SLC25A32: variants seen among roughly 807,000 people sequenced by gnomAD.
SLC25A32 encodes Glycine auxotroph B, complementation of hamster.
Under a neutral mutation model 39.0 loss-of-function variants are expected in SLC25A32, and 32 were observed. The ratio of observed to expected loss-of-function variants is 0.82; its 90% CI spans 0.62 to 1.10. The LOEUF (loss-of-function observed/expected upper bound fraction) is 1.10. Ranked by LOEUF, SLC25A32 falls within the 50% of genes least tolerant of loss-of-function variation. SLC25A32 has a pLI of 0.00. For synonymous variants in SLC25A32, 166 were observed against 152.4 expected (o/e 1.09, Z -0.66); for missense variants, 367 against 395.3 (o/e 0.93, Z 0.61).
intron 6 of SLC25A32, 116 bp from the exon 7 acceptor site, chr8:103,400,662 AG>A: frequency 9.4e-7 from 1 of 1,066,594 alleles, no homozygotes; most frequent in Non-Finnish European, 1.4e-6. Context: ...CTCTGATTTA[AG>A]TTCATGTTTT....
At chr8:103,409,894 G>T (rs1277749551) in intron 1 of SLC25A32, among the ~76,000 whole-genome samples, 1 of 152,158 alleles carries the variant, frequency 6.6e-6, no homozygotes, top group Non-Finnish European at 1.5e-5. Flanking sequence ...CTTATAAAAT[G>T]GGGATAAATC....
At chr8:103,401,432 G>A in intron 6 of SLC25A32, 84 bp downstream of exon 6, 1 of 1,302,348 alleles carries the variant, frequency 7.7e-7, no homozygotes, top group Non-Finnish European at 1.0e-6. Flanking sequence ...ACTGGCCTTT[G>A]CTATAAAACT....
At position 103,415,040 on chromosome 8, in the gene SLC25A32, CA is replaced by C; in HGVS notation, c.-104del. The C allele has an allele frequency of 6.3e-7, 1 of 1,594,810 alleles. No individual in the cohort carries two copies. The highest frequency in any genetic ancestry group is 8.5e-7 in the Non-Finnish European group (1 of 1,171,106). On this transcript the variant is annotated 5_prime_UTR_variant, in exon 1 of 7. Transcript: ENST00000297578. ...CGGTCGCCCCTTGTGAGCGCAACCC[CA>C]CCTCCGGGACCAACGAGAGGACTCT...
rs1816561169 is a variant in SLC25A32 at position 103,414,873 on chromosome 8, C to T, written c.65G>A (p.Arg22Gln). ...CACGCCCGCTATCAGGTTCTCATACCGGACGTGGCGGAATACCGTGCTCCA... is the reference window on the plus strand; with the variant it reads ...CACGCCCGCTATCAGGTTCTCATACTGGACGTGGCGGAATACCGTGCTCCA... ...SAWSTVFRHVRYENLIAGVSG... is the reference protein window; with the variant it reads ...SAWSTVFRHVQYENLIAGVSG... Residue 22 changes from arginine to glutamine, a missense_variant, in exon 1 of 7, where the codon CGG becomes CAG. Physicochemically the swap from Arg to Gln is conservative, Grantham distance 43. Coordinates refer to ENST00000297578, the MANE Select transcript of SLC25A32 (RefSeq NM_030780.5). 2 of 1,613,184 alleles carry T rather than the reference C, an allele frequency of 1.2e-6. No homozygotes were observed. Among genetic ancestry groups the T allele is most frequent in the Middle Eastern group, 1.7e-4 (1 of 6,056 alleles).
chr8:103,403,009 A>C (rs1035692097), intron 4 of SLC25A32, among the ~76,000 whole-genome samples, 155 bp downstream of exon 4: 15 of 152,194 alleles, frequency 9.9e-5, no homozygotes, highest in African/African-American at 4.8e-5. Flanking sequence ...GTACAATTTC[A>C]GTATTATTAA....
intron 4 of SLC25A32, 150 bp from the exon 5 acceptor site, chr8:103,402,204 A>G (rs748357686): frequency 3.3e-5 from 18 of 551,700 alleles, no homozygotes; most frequent in Non-Finnish European, 5.7e-5. Context: ...ATGGGGTTAA[A>G]AACTTGTAAT....
At chr8:103,406,861 T>C (rs1182446917) in intron 2 of SLC25A32, among the ~76,000 whole-genome samples, 1 of 152,226 alleles carries the variant, frequency 6.6e-6, no homozygotes, top group Non-Finnish European at 1.5e-5. Flanking sequence ...TAATTAATGA[T>C]ACTTCAGTAT....
intron 1 of SLC25A32, among the ~76,000 whole-genome samples, chr8:103,412,501 T>C (rs1344538620): frequency 3.3e-5 from 5 of 152,248 alleles, no homozygotes; most frequent in African/African-American, 1.2e-4. Context: ...ACTTCTGTCA[T>C]CCAACTACTA....
intron 1 of SLC25A32, among the ~76,000 whole-genome samples, chr8:103,410,111 ATT>A (rs1816430782): frequency 6.6e-6 from 1 of 152,180 alleles, no homozygotes; most frequent in Non-Finnish European, 1.5e-5. Context: ...TCACAATACC[ATT>A]TCTCTCTTGA....
intron 1 of SLC25A32, among the ~76,000 whole-genome samples, chr8:103,413,079 C>G (rs1816499175): frequency 1.3e-5 from 2 of 152,140 alleles, no homozygotes; most frequent in African/African-American, 4.8e-5. Flanking sequence ...AAACTCAATC[C>G]TTTTATCTGT....
chr8:103,401,849 TAGCACTACCACCAA>T (rs1816225467), intron 5 of SLC25A32, 78 bp downstream of exon 5: 2 of 1,064,448 alleles, frequency 1.9e-6, no homozygotes, highest in South Asian at 3.2e-5. Flanking sequence ...CTCATCATCA[TAGCACTACCACCAA>T]AGTAAGCATG....
chr8:103,399,360 TAGA>T lies in SLC25A32; in HGVS notation c.*1048_*1050del, dbSNP rs749259996. The T allele has an allele frequency of 2.0e-5, 3 of 152,352 alleles. No individual in the cohort carries two copies. The highest frequency in any genetic ancestry group is 2.9e-5 in the Non-Finnish European group (2 of 68,036). The allele number at this position is 152,352 out of a possible 1,614,324, so 9.4% of individuals were successfully genotyped here. The stretch of plus-strand genomic sequence containing the variant: ...AATAAAGGTTGACACAGCTGGATCC[TAGA>T]AGCTCAGATTTTATAAATTTAAAAT... On this transcript the variant is annotated 3_prime_UTR_variant, in exon 7 of 7. Coordinates refer to ENST00000297578, the MANE Select transcript of SLC25A32 (RefSeq NM_030780.5).
Position 103,403,409 on chromosome 8 carries a change from TAAAAAA to T in SLC25A32, c.392-91_392-86del, listed in dbSNP as rs11447002. 1,008 of 249,754 alleles carry T rather than the reference TAAAAAA, an allele frequency of 4.0e-3. 11 individuals are homozygous for T. The highest frequency in any genetic ancestry group is 0.02 in the African/African-American group (683 of 33,434). 15.5% of individuals were successfully genotyped at this position (249,754 alleles called of 1,614,324 possible). A position where few individuals can be genotyped will look rare whatever the true frequency, so the allele number is the denominator to read the frequency against. On this transcript the variant is annotated intron_variant, in intron 3 of 6. Coordinates refer to ENST00000297578, the MANE Select transcript of SLC25A32 (RefSeq NM_030780.5). ...CCAAATTAGAAACAGTACATTTATG[TAAAAAA>T]AAAAAAAAAAAAAAAGATAATGCAC...
intron 1 of SLC25A32, among the ~76,000 whole-genome samples, chr8:103,408,385 T>C (rs1285781888): frequency 6.6e-6 from 1 of 152,204 alleles, no homozygotes; most frequent in Non-Finnish European, 1.5e-5. Flanking sequence ...AAATATTAGA[T>C]TAGCTCTTAA....
At chr8:103,408,169 T>C (rs1816385281) in intron 1 of SLC25A32, among the ~76,000 whole-genome samples, 1 of 150,860 alleles carries the variant, frequency 6.6e-6, no homozygotes, top group South Asian at 2.1e-4. Context: ...TTTTTTTAAG[T>C]ACAGACAGGC....
chr8:103,406,908 T>C (rs1397287986), intron 2 of SLC25A32, among the ~76,000 whole-genome samples: 1 of 152,208 alleles, frequency 6.6e-6, no homozygotes, highest in South Asian at 2.1e-4. Context: ...CCGGAACTAA[T>C]CTCTGATAAA....
intron 2 of SLC25A32, among the ~76,000 whole-genome samples, chr8:103,406,032 T>C (rs1389669952): frequency 2.6e-5 from 4 of 151,324 alleles, no homozygotes; most frequent in African/African-American, 4.9e-5. Context: ...GAAGAATCTA[T>C]ACAACTCAAA....
At chr8:103,402,390 G>A (rs1055655405) in intron 4 of SLC25A32, 2 of 164,972 alleles carry the variant, frequency 1.2e-5, no homozygotes, top group African/African-American at 4.8e-5. Context: ...GTAAATCAAT[G>A]AACTGAGCAT....
At chr8:103,413,490 C>T (rs1816511685) in intron 1 of SLC25A32, among the ~76,000 whole-genome samples, 1 of 152,196 alleles carries the variant, frequency 6.6e-6, no homozygotes, top group Admixed American at 6.5e-5. Context: ...CTTCTGTTAT[C>T]CTCATCTGTA....
Sources: allele counts gnomAD v4.1 joint callset (sites outside exome capture counted in the v4.1 genomes callset), GRCh38; gene constraint gnomAD v4.1.1; transcripts MANE v1.5; gene names NCBI Gene and HGNC (gene_info 2026-07-23, HGNC 2026-07-21).